The following TAFA1 variants were observed in gnomAD, a reference collection of about 807,000 sequenced individuals.
TAFA1 encodes the protein TAFA chemokine like family member 1.
A neutral mutation model predicts 18.5 loss-of-function variants in TAFA1; 4 were observed. The ratio of observed to expected loss-of-function variants is 0.22; its 90% confidence interval spans 0.11 to 0.49. TAFA1 has a LOEUF of 0.49. Among genes scored for constraint, TAFA1 ranks in the 20% least tolerant of loss-of-function variants. The pLI, the probability that TAFA1 is intolerant of heterozygous loss-of-function variation, is 0.98. For synonymous variants in TAFA1, 56 were observed against 55.2 expected (o/e 1.01, Z -0.06); for missense variants, 147 against 169.0 (o/e 0.87, Z 0.72).
chr3:68,431,014 T>A (rs969692295), intron 3 of TAFA1, among the ~76,000 whole-genome samples: 1 of 151,928 alleles, frequency 6.6e-6, no homozygotes, highest in Non-Finnish European at 1.5e-5. Flanking sequence ...TTCTCCTGAT[T>A]GGCACTTAAG....
At chr3:68,095,796 G>T (rs1042813009) in intron 2 of TAFA1, among the ~76,000 whole-genome samples, 2 of 152,192 alleles carry the variant, frequency 1.3e-5, no homozygotes, top group Admixed American at 6.5e-5. Flanking sequence ...TTTTAAGGAA[G>T]TATGTTTAAC....
At chr3:68,145,377 A>G in intron 2 of TAFA1, 1 of 827,280 alleles carries the variant, frequency 1.2e-6, no homozygotes, top group Non-Finnish European at 2.2e-6. Flanking sequence ...TCTCAAGCAT[A>G]TACTTCAATC....
intron 3 of TAFA1, among the ~76,000 whole-genome samples, chr3:68,505,954 A>G (rs183802483): frequency 9.2e-5 from 14 of 151,886 alleles, no homozygotes. Context: ...TTTGTTACAT[A>G]GATATACATG....
At chr3:68,249,150 T>A (rs1169406371) in intron 2 of TAFA1, among the ~76,000 whole-genome samples, 2 of 152,004 alleles carry the variant, frequency 1.3e-5, no homozygotes, top group Middle Eastern at 3.2e-3. Flanking sequence ...ATTCAAATGG[T>A]CATAAGCACC....
At chr3:68,383,169 C>G (rs1444785351) in intron 2 of TAFA1, among the ~76,000 whole-genome samples, 2 of 151,920 alleles carry the variant, frequency 1.3e-5, no homozygotes, top group Non-Finnish European at 2.9e-5. Context: ...TTGACTTACT[C>G]TCTTTATTTC....
chr3:68,095,181 A>C (rs2065073839), intron 2 of TAFA1, among the ~76,000 whole-genome samples: 1 of 152,136 alleles, frequency 6.6e-6, no homozygotes, highest in African/African-American at 2.4e-5. Context: ...CACGTTTGAT[A>C]TAGCTCTTAG....
chr3:68,231,964 T>A (rs1273267223), intron 2 of TAFA1, among the ~76,000 whole-genome samples: 2 of 152,168 alleles, frequency 1.3e-5, no homozygotes, highest in Non-Finnish European at 2.9e-5. Flanking sequence ...TGCATATTTA[T>A]AGGATACAGA....
chr3:68,195,438 G>C (rs905977920), intron 2 of TAFA1, among the ~76,000 whole-genome samples: 3 of 149,474 alleles, frequency 2.0e-5, no homozygotes, highest in Non-Finnish European at 4.5e-5. Context: ...TCTGAAATTC[G>C]ACATTATGAC....
At chr3:68,082,128 C>A (rs1007860988) in intron 2 of TAFA1, among the ~76,000 whole-genome samples, 1 of 152,216 alleles carries the variant, frequency 6.6e-6, no homozygotes, top group Non-Finnish European at 1.5e-5. Flanking sequence ...ACTCCCTGAC[C>A]CCTTGCGCTT....
chr3:68,131,329 G>GCA (rs1559531952), intron 2 of TAFA1, among the ~76,000 whole-genome samples: 2 of 151,576 alleles, frequency 1.3e-5, no homozygotes, highest in Non-Finnish European at 2.9e-5. Context: ...GCACACGCAC[G>GCA]CACACACACA....
At chr3:68,398,816 A>C (rs574404121) in intron 2 of TAFA1, among the ~76,000 whole-genome samples, 2 of 152,344 alleles carry the variant, frequency 1.3e-5, no homozygotes, top group East Asian at 3.9e-4. Flanking sequence ...ACATCTAATC[A>C]AAGAAGAATG....
chr3:68,246,272 C>G (rs1186463507), intron 2 of TAFA1, among the ~76,000 whole-genome samples: 1 of 152,006 alleles, frequency 6.6e-6, no homozygotes, highest in East Asian at 1.9e-4. Flanking sequence ...GCTTTCAGTC[C>G]TTTGGTCTCA....
At chr3:68,363,688 C>T (rs527981898) in intron 2 of TAFA1, among the ~76,000 whole-genome samples, 276 of 152,276 alleles carry the variant, frequency 1.8e-3, no homozygotes, top group African/African-American at 6.2e-3. Context: ...GCCTGATTTT[C>T]TTTAGAAGAC....
intron 3 of TAFA1, among the ~76,000 whole-genome samples, chr3:68,437,702 T>C (rs1037194661): frequency 6.6e-6 from 1 of 152,102 alleles, no homozygotes. Flanking sequence ...TATGACCCAA[T>C]TACCCCTTAA....
chr3:68,291,378 A>G (rs1335421303), intron 2 of TAFA1, among the ~76,000 whole-genome samples: 1 of 152,170 alleles, frequency 6.6e-6, no homozygotes, highest in South Asian at 2.1e-4. Context: ...TTACATGCCC[A>G]GTGCTTTGTT....
intron 2 of TAFA1, among the ~76,000 whole-genome samples, chr3:68,202,968 T>A (rs372842138): frequency 1.1e-4 from 17 of 151,910 alleles, no homozygotes; most frequent in Middle Eastern, 3.4e-3. Flanking sequence ...TCTAAAGAAC[T>A]TTTAACACTT....
At chr3:68,388,924 G>A (rs2070166380) in intron 2 of TAFA1, among the ~76,000 whole-genome samples, 2 of 152,106 alleles carry the variant, frequency 1.3e-5, no homozygotes, top group Non-Finnish European at 1.5e-5. Context: ...TTTCTTACAA[G>A]ATTAAGTTGT....
intron 2 of TAFA1, among the ~76,000 whole-genome samples, chr3:68,373,995 T>C (rs2069762056): frequency 6.6e-6 from 1 of 152,104 alleles, no homozygotes; most frequent in Non-Finnish European, 1.5e-5. Context: ...AAGGAGGAAA[T>C]TTATTATAAG....
chr3:68,150,554 G>A (rs73834858), intron 2 of TAFA1, among the ~76,000 whole-genome samples: 2,721 of 152,218 alleles, frequency 0.018, 89 homozygotes, highest in African/African-American at 0.062. Flanking sequence ...TAACATGAGA[G>A]CCATGACTGG....
Sources: gnomAD v4.1 joint callset for allele counts (sites outside exome capture counted in the v4.1 genomes callset) on GRCh38, gnomAD v4.1.1 for gene constraint, MANE v1.5 for transcripts, NCBI Gene and HGNC (gene_info 2026-07-23, HGNC 2026-07-21) for gene names.